SEMA5A: variants seen among roughly 807,000 people sequenced by gnomAD.
The protein encoded by SEMA5A is semaphorin 5A, also known as semaphorin-5A.
A neutral mutation model predicts 135.5 loss-of-function variants in SEMA5A; 55 were observed. The observed-to-expected ratio is 0.41, with a 90% CI of 0.33 to 0.51. The LOEUF is 0.51. Ranked by LOEUF, SEMA5A falls within the 20% of genes least tolerant of loss-of-function variation. SEMA5A has a pLI of 0.37. For synonymous variants in SEMA5A, 580 were observed against 546.5 expected, an observed-to-expected ratio of 1.06 and a Z score of -0.85; for missense variants, 1,290 against 1,419.9, an observed-to-expected ratio of 0.91 and a Z score of 1.47.
chr5:9,208,653 G>C (rs773890107), intron 8 of SEMA5A, among the ~76,000 whole-genome samples: 1 of 152,134 alleles, frequency 6.6e-6, no homozygotes, highest in Non-Finnish European at 1.5e-5. Context: ...AGACCATAAG[G>C]CTGGCAAGGA....
chr5:9,520,296 C>A (rs1384052748), intron 1 of SEMA5A, among the ~76,000 whole-genome samples: 1 of 152,228 alleles, frequency 6.6e-6, no homozygotes, highest in African/African-American at 2.4e-5. Context: ...GGGACCCACA[C>A]TCCACGGGAG....
chr5:9,334,939 C>T (rs1466748674), intron 4 of SEMA5A, among the ~76,000 whole-genome samples: 1 of 152,166 alleles, frequency 6.6e-6, no homozygotes, highest in Admixed American at 6.5e-5. Context: ...CCCATCCGAT[C>T]CTTCCCAGCA....
intron 7 of SEMA5A, among the ~76,000 whole-genome samples, chr5:9,225,611 G>A (rs1404310809): frequency 6.6e-6 from 1 of 150,652 alleles, no homozygotes; most frequent in African/African-American, 2.4e-5. Context: ...ATCAATATAA[G>A]TGAAGCAAAA....
intron 8 of SEMA5A, among the ~76,000 whole-genome samples, chr5:9,218,305 G>T (rs568059908): frequency 6.6e-6 from 1 of 152,180 alleles, no homozygotes. Context: ...ACAAGCACAG[G>T]CACTGTCCAA....
intron 1 of SEMA5A, among the ~76,000 whole-genome samples, chr5:9,508,015 A>AG (rs1561307650): frequency 3.7e-5 from 1 of 26,882 alleles, no homozygotes; most frequent in Non-Finnish European, 8.9e-5. Context: ...AAAAAAAAAA[A>AG]AAGAAAAGAA....
At chr5:9,473,741 G>A (rs761982417) in intron 1 of SEMA5A, among the ~76,000 whole-genome samples, 1 of 152,128 alleles carries the variant, frequency 6.6e-6, no homozygotes, top group Admixed American at 6.5e-5. Context: ...AGGGCTTCTG[G>A]AAAAACTCAG....
At chr5:9,512,879 C>T (rs1367054576) in intron 1 of SEMA5A, among the ~76,000 whole-genome samples, 7 of 152,032 alleles carry the variant, frequency 4.6e-5, no homozygotes, top group African/African-American at 1.4e-4. Context: ...CGCTCCCCTG[C>T]ATGTTCTTCC....
intron 18 of SEMA5A, among the ~76,000 whole-genome samples, chr5:9,056,638 C>T (rs1031290182): frequency 2.0e-5 from 3 of 152,182 alleles, no homozygotes; most frequent in Non-Finnish European, 2.9e-5. Context: ...AGCAGAATCG[C>T]AGGAACCTGT....
chr5:9,489,869 C>T (rs763268933), intron 1 of SEMA5A, among the ~76,000 whole-genome samples: 3 of 152,104 alleles, frequency 2.0e-5, no homozygotes, highest in Admixed American at 1.3e-4. Context: ...TAATCTTTGG[C>T]TATGTGATGT....
intron 2 of SEMA5A, among the ~76,000 whole-genome samples, chr5:9,381,528 C>T (rs1164163366): frequency 6.6e-6 from 1 of 152,190 alleles, no homozygotes; most frequent in Non-Finnish European, 1.5e-5. Context: ...CTGGCAGTTG[C>T]TACATCCTGT....
chr5:9,205,790 T>C (rs535502514), intron 8 of SEMA5A, among the ~76,000 whole-genome samples: 2 of 152,314 alleles, frequency 1.3e-5, no homozygotes, highest in Admixed American at 1.3e-4. Context: ...AAACACATCA[T>C]GCGGCCCTAC....
chr5:9,516,903 C>T (rs1579671087), intron 1 of SEMA5A: 1 of 152,230 alleles, frequency 6.6e-6, no homozygotes, highest in Non-Finnish European at 1.5e-5. Context: ...TATTTACATC[C>T]TATCCCAATG....
intron 2 of SEMA5A, among the ~76,000 whole-genome samples, chr5:9,402,793 C>T (rs1756717215): frequency 6.6e-6 from 1 of 152,044 alleles, no homozygotes; most frequent in Admixed American, 6.5e-5. Context: ...GAATGCCCTT[C>T]TCACCTTGCC....
chr5:9,130,503 G>A (rs538283925), intron 13 of SEMA5A, among the ~76,000 whole-genome samples: 1 of 152,240 alleles, frequency 6.6e-6, no homozygotes, highest in East Asian at 1.9e-4. Context: ...GAAGCACTGT[G>A]CAGCCTCTGA....
intron 15 of SEMA5A, among the ~76,000 whole-genome samples, chr5:9,116,173 A>T (rs926314179): frequency 6.6e-6 from 1 of 152,182 alleles, no homozygotes; most frequent in Non-Finnish European, 1.5e-5. Context: ...CTGAGGCCCC[A>T]AGCAGAGGAT....
chr5:9,523,631 G>A (rs1297942565), intron 1 of SEMA5A, among the ~76,000 whole-genome samples: 2 of 152,196 alleles, frequency 1.3e-5, no homozygotes, highest in Non-Finnish European at 2.9e-5. Flanking sequence ...CCTCCTGGGT[G>A]AACTCTCTTT....
At chr5:9,167,829 A>G (rs1472768094) in intron 11 of SEMA5A, among the ~76,000 whole-genome samples, 1 of 152,124 alleles carries the variant, frequency 6.6e-6, no homozygotes, top group African/African-American at 2.4e-5. Flanking sequence ...ATCCTTATTC[A>G]TGACCACCGT....
chr5:9,351,989 T>G lies in SEMA5A; in HGVS notation c.125-14177A>C, dbSNP rs138967182. Among the ~76,000 whole-genome samples the G allele has an allele frequency of 1.8e-3, 267 of 151,420 alleles. 1 individual carries two copies. Among genetic ancestry groups the G allele is most frequent in the African/African-American group, 6.3e-3 (260 of 41,484 alleles). Reference sequence around the variant, plus strand: ...CAAGGAGACCCCCTTAGCCTTGCTATAACACTGATTCTCATTTCTCCATGT... The same window carrying G: ...CAAGGAGACCCCCTTAGCCTTGCTAGAACACTGATTCTCATTTCTCCATGT... On this transcript the variant is annotated intron_variant, in intron 3 of 22. Transcript: ENST00000382496.
intron 2 of SEMA5A, among the ~76,000 whole-genome samples, chr5:9,389,044 G>C (rs1288013138): frequency 6.6e-6 from 1 of 152,188 alleles, no homozygotes; most frequent in Non-Finnish European, 1.5e-5. Context: ...ACTGTCATCA[G>C]TCTGGTCAAC....
Sources: gnomAD v4.1 joint callset for allele counts (sites outside exome capture counted in the v4.1 genomes callset) on GRCh38, gnomAD v4.1.1 for gene constraint, MANE v1.5 for transcripts, NCBI Gene and HGNC (gene_info 2026-07-23, HGNC 2026-07-21) for gene names.